ITSN1: variants seen among roughly 807,000 people sequenced by gnomAD.
ITSN1 encodes intersectin-1.
ITSN1 carries 58 observed loss-of-function variants against 239.8 expected under a neutral mutation model. The observed-to-expected ratio is 0.24, with a 90% CI of 0.20 to 0.30. The LOEUF (loss-of-function observed/expected upper bound fraction) is 0.30. Ranked by LOEUF, ITSN1 falls within the 10% of genes least tolerant of loss-of-function variation. The pLI is 1.00. For synonymous variants in ITSN1, 780 were observed against 770.8 expected (o/e 1.01, Z -0.20); for missense variants, 1,558 against 2,103.3 (o/e 0.74, Z 5.07).
chr21:33,877,731 C>A (rs1984170205), intron 34 of ITSN1, among the ~76,000 whole-genome samples: 1 of 152,140 alleles, frequency 6.6e-6, no homozygotes, highest in Non-Finnish European at 1.5e-5. Context: ...GAGAGACCCT[C>A]AAAGCTATAG....
intron 1 of ITSN1, among the ~76,000 whole-genome samples, chr21:33,672,158 G>A (rs1431820137): frequency 6.6e-6 from 1 of 151,800 alleles, no homozygotes. Flanking sequence ...CAGGAGAATC[G>A]CTTGAACCTG....
chr21:33,824,583 C>T (rs754877101), intron 25 of ITSN1, among the ~76,000 whole-genome samples: 14 of 152,150 alleles, frequency 9.2e-5, no homozygotes, highest in African/African-American at 1.2e-4. Context: ...AAAGTTCTCT[C>T]TCTCTTTCAA....
At chr21:33,764,875 G>C (rs2068612794) in intron 9 of ITSN1, among the ~76,000 whole-genome samples, 1 of 152,162 alleles carries the variant, frequency 6.6e-6, no homozygotes, top group Non-Finnish European at 1.5e-5. Flanking sequence ...TTAGCTACTT[G>C]GGCAAGTTCA....
chr21:33,833,895 ACTCAGTGTGTATTGGTGGC>A (rs2074447404), intron 27 of ITSN1, among the ~76,000 whole-genome samples: 1 of 150,962 alleles, frequency 6.6e-6, no homozygotes, highest in African/African-American at 2.4e-5. Flanking sequence ...AAAAAGAAGT[ACTCAGTGTGTATTGGTGGC>A]CATTATTATT....
rs1986581542 is a variant in ITSN1 at position 33,894,626 on chromosome 21, G to C, written c.*6326G>C. The C allele has an allele frequency of 6.6e-6, 1 of 152,126 alleles. No homozygotes were observed. The highest frequency in any genetic ancestry group is 6.6e-5 in the Admixed American group (1 of 15,266). The allele number at this position is 152,126 out of a possible 1,614,324, so 9.4% of individuals were successfully genotyped here. A position where few individuals can be genotyped will look rare whatever the true frequency, so the allele number is the denominator to read the frequency against. ...AAGGTTTCTTTTTAGGCAGTGGTAA[G>C]AATGCGTATTTTCTTCTTCCAGAAG... On this transcript the variant is annotated 3_prime_UTR_variant, in exon 40 of 40. Coordinates refer to ENST00000381318, the MANE Select transcript of ITSN1 (RefSeq NM_003024.3).
At chr21:33,852,903 C>T (rs7279290) in intron 29 of ITSN1, among the ~76,000 whole-genome samples, 3,352 of 152,246 alleles carry the variant, frequency 0.022, 136 homozygotes, top group African/African-American at 0.077. Context: ...CTAAAGAAAA[C>T]GCTTTTATTT....
chr21:33,804,124 T>C (rs2072225075), intron 20 of ITSN1, among the ~76,000 whole-genome samples: 1 of 152,226 alleles, frequency 6.6e-6, no homozygotes, highest in Non-Finnish European at 1.5e-5. Flanking sequence ...GGTTCACTTA[T>C]ACTTTTGTGG....
intron 9 of ITSN1, among the ~76,000 whole-genome samples, chr21:33,765,441 A>G (rs1182201563): frequency 6.6e-6 from 1 of 152,172 alleles, no homozygotes; most frequent in Non-Finnish European, 1.5e-5. Flanking sequence ...GTGGTGAACT[A>G]TGATCTTGAC....
chr21:33,845,531 A>C (rs1170748913), intron 29 of ITSN1, among the ~76,000 whole-genome samples: 1 of 151,308 alleles, frequency 6.6e-6, no homozygotes, highest in Admixed American at 6.6e-5. Flanking sequence ...TTGGTCTGCA[A>C]ACCCTGCCTG....
At chr21:33,643,243 A>G (rs1175345192) in intron 1 of ITSN1, 2 of 151,796 alleles carry the variant, frequency 1.3e-5, no homozygotes, top group Admixed American at 6.5e-5. Context: ...GGGTCAGTGA[A>G]GGGCAGGCAA....
chr21:33,810,239 C>A (rs556729718), intron 20 of ITSN1, among the ~76,000 whole-genome samples: 1 of 152,294 alleles, frequency 6.6e-6, no homozygotes, highest in South Asian at 2.1e-4. Context: ...AAAATGCAAA[C>A]CTTAAAAGCA....
At position 33,799,869 on chromosome 21, in the gene ITSN1, G is replaced by A. The variant is rs1381642831; in HGVS notation, c.2244G>A (p.Leu748=). The change falls in exon 19 of 40, where the codon CTG becomes CTA. Residue 748 remains leucine, a synonymous_variant. Coordinates refer to ENST00000381318, the MANE Select transcript of ITSN1 (RefSeq NM_003024.3). ...ENVKVVYYRA[L]YPFESRSHDE... is the part of the protein sequence containing the mutation. ...TAAAAGTGGTGTATTACCGGGCACTGTACCCCTTTGAATCCAGAAGCCATG... is the reference window on the plus strand; with the variant it reads ...TAAAAGTGGTGTATTACCGGGCACTATACCCCTTTGAATCCAGAAGCCATG... The A allele has an allele frequency of 6.2e-7, 1 of 1,613,862 alleles. No individual in the cohort carries two copies. Among genetic ancestry groups the A allele is most frequent in the South Asian group, 1.1e-5 (1 of 91,056 alleles).
At chr21:33,683,313 T>C (rs2091070732) in intron 1 of ITSN1, among the ~76,000 whole-genome samples, 1 of 152,188 alleles carries the variant, frequency 6.6e-6, no homozygotes, top group African/African-American at 2.4e-5. Context: ...CTACTGTCTT[T>C]TTGTGACGGA....
chr21:33,787,375 T>G (rs1014558987), intron 16 of ITSN1, among the ~76,000 whole-genome samples: 1 of 152,264 alleles, frequency 6.6e-6, no homozygotes, highest in Admixed American at 6.5e-5. Context: ...TTCACAATTA[T>G]GATTTAATTC....
chr21:33,847,935 C>A (rs998528327), intron 29 of ITSN1, among the ~76,000 whole-genome samples: 1 of 152,202 alleles, frequency 6.6e-6, no homozygotes, highest in Non-Finnish European at 1.5e-5. Context: ...TCCAGCCAGT[C>A]CGGTTTAGTT....
intron 29 of ITSN1, among the ~76,000 whole-genome samples, chr21:33,850,023 T>C (rs1363711393): frequency 1.3e-5 from 2 of 152,170 alleles, no homozygotes; most frequent in Non-Finnish European, 2.9e-5. Flanking sequence ...ACAGAGGATG[T>C]AAAGCTGTGC....
At chr21:33,655,049 G>C (rs549526905) in intron 1 of ITSN1, among the ~76,000 whole-genome samples, 2 of 151,326 alleles carry the variant, frequency 1.3e-5, no homozygotes, top group East Asian at 3.9e-4. Context: ...GGGACGTTGT[G>C]AATTTGTTAT....
chr21:33,813,611 CCA>C (rs1217366570), intron 21 of ITSN1, among the ~76,000 whole-genome samples: 2 of 152,114 alleles, frequency 1.3e-5, no homozygotes, highest in Non-Finnish European at 2.9e-5. Flanking sequence ...CCTCGGCCTC[CCA>C]CAGTGCTGGG....
chr21:33,750,416 T>C, intron 6 of ITSN1, 94 bp downstream of exon 6: 1 of 1,153,474 alleles, frequency 8.7e-7, no homozygotes, highest in Non-Finnish European at 1.3e-6. Flanking sequence ...CTGATTATGT[T>C]TAAATGATAT....
Sources: gnomAD v4.1 joint callset for allele counts (sites outside exome capture counted in the v4.1 genomes callset) on GRCh38, gnomAD v4.1.1 for gene constraint, MANE v1.5 for transcripts, NCBI Gene and HGNC (gene_info 2026-07-23, HGNC 2026-07-21) for gene names.